Variants in FA2H observed in about 807,000 individuals in gnomAD.
FA2H encodes the protein fatty acid alpha-hydroxylase.
In FA2H, 22 loss-of-function variants were observed where a neutral mutation model predicts 44.9. The observed-to-expected ratio is 0.49, with a 90% confidence interval of 0.35 to 0.70. FA2H has a LOEUF of 0.70. Ranked by LOEUF, FA2H falls within the 30% of genes least tolerant of loss-of-function variation. The probability of loss-of-function intolerance (pLI) is 0.01; values close to 1 mark genes in which losing one functional copy is unlikely to be tolerated. For synonymous variants in FA2H, 243 were observed against 213.2 expected (o/e 1.14, Z -1.22); for missense variants, 501 against 504.9 (o/e 0.99, Z 0.07).
rs1961613843 is a variant in FA2H at position 74,713,104 on chromosome 16, C to T, written c.*1086G>A. 1 of 152,672 alleles carries T rather than the reference C, an allele frequency of 6.5e-6. No homozygotes were observed. 9.5% of individuals were successfully genotyped at this position (152,672 alleles called of 1,614,324 possible). A position where few individuals can be genotyped will look rare whatever the true frequency, so the allele number is the denominator to read the frequency against. ...TCACAAGGTCCGTCAAACTGCTTCT[C>T]TTTAGCCTTTACACTTGGCGAGTTT... On this transcript the variant is annotated 3_prime_UTR_variant, in exon 7 of 7. Coordinates refer to ENST00000219368, the MANE Select transcript of FA2H (RefSeq NM_024306.5).
At chr16:74,734,351 G>A (rs576501720) in intron 2 of FA2H, among the ~76,000 whole-genome samples, 1 of 152,388 alleles carries the variant, frequency 6.6e-6, no homozygotes, top group Non-Finnish European at 1.5e-5. Flanking sequence ...GCGACAGCAC[G>A]GTTATGCCCG....
intron 1 of FA2H, among the ~76,000 whole-genome samples, chr16:74,770,838 G>C (rs1350302932): frequency 1.3e-5 from 2 of 152,220 alleles, no homozygotes. Flanking sequence ...GCTCAGGTTG[G>C]GGCCCAGAAG....
chr16:74,765,572 C>A (rs1463635342), intron 1 of FA2H, among the ~76,000 whole-genome samples: 2 of 152,150 alleles, frequency 1.3e-5, no homozygotes, highest in African/African-American at 2.4e-5. Context: ...TTTATTCATT[C>A]ATTCATTTTT....
At chr16:74,719,716 TTTTTTA>T (rs1256631896) in intron 4 of FA2H, among the ~76,000 whole-genome samples, 3 of 152,116 alleles carry the variant, frequency 2.0e-5, no homozygotes, top group African/African-American at 7.2e-5. Context: ...TTTAAATTTA[TTTTTTA>T]TTTTTATTTT....
intron 1 of FA2H, among the ~76,000 whole-genome samples, chr16:74,751,091 C>T (rs1303930203): frequency 1.3e-5 from 2 of 151,344 alleles, no homozygotes; most frequent in South Asian, 2.1e-4. Context: ...TCCCACTGTA[C>T]ATTTCTTTTT....
At position 74,727,178 on chromosome 16, in the gene FA2H, T is replaced by A. The variant is rs1243351651; in HGVS notation, c.506+66A>T. On this transcript the variant is annotated intron_variant, in intron 3 of 6. Coordinates refer to ENST00000219368, the MANE Select transcript of FA2H (RefSeq NM_024306.5). ...GGAGGGACTCAATTGCCCCCTCCCT[T>A]TCCATATCTGATTGGCACCGTCAGA... 2.5e-6 allele frequency: 4 copies of A among 1,610,010 alleles called. No homozygotes were observed. In the East Asian group the frequency reaches 6.7e-5, roughly 27 times the overall value.
At chr16:74,768,126 G>A (rs997513149) in intron 1 of FA2H, among the ~76,000 whole-genome samples, 4 of 152,212 alleles carry the variant, frequency 2.6e-5, no homozygotes, top group African/African-American at 9.6e-5. Flanking sequence ...CGAAGATGAT[G>A]AATGCTGTTG....
chr16:74,741,779 T>TATATATATATA (rs1962302719), intron 1 of FA2H, among the ~76,000 whole-genome samples: 1 of 50,896 alleles, frequency 2.0e-5, no homozygotes, highest in Non-Finnish European at 3.3e-5. Context: ...ATTAAATATA[T>TATATATATATA]ATATATATAT....
In FA2H at chr16:74,718,982, G is replaced by T. The variant is rs746907255; in HGVS notation, c.786+6C>A. 1 of 1,613,304 alleles carries T rather than the reference G, an allele frequency of 6.2e-7. No homozygotes were observed. The highest frequency in any genetic ancestry group is 1.7e-5 in the Admixed American group (1 of 60,018). Reference sequence around the variant, plus strand: ...TAGGTCCGGGCTGGGACCCCGCCCCGCTCACCTTGTGGTGCTGGCCGTGCA... The same window carrying T: ...TAGGTCCGGGCTGGGACCCCGCCCCTCTCACCTTGTGGTGCTGGCCGTGCA... On this transcript the variant is annotated splice_donor_region_variant and intron_variant, in intron 5 of 6. Coordinates refer to ENST00000219368, the MANE Select transcript of FA2H (RefSeq NM_024306.5).
rs566281289 is a variant in FA2H, at chr16:74,719,249, C to T, written c.614-89G>A. The T allele has an allele frequency of 1.2e-4, 144 of 1,196,426 alleles. No individual in the cohort carries two copies. In the South Asian group the frequency reaches 1.5e-3, roughly 12 times the overall value. The allele number at this position is 1,196,426 out of a possible 1,614,324, so 74.1% of individuals were successfully genotyped here. ...CCCTGCCTCACCATCCCCATCAGCT[C>T]GGGAGCTGCTGCCCTCTGTTGGACA... On this transcript the variant is annotated intron_variant, in intron 4 of 6. Transcript: ENST00000219368.
chr16:74,738,832 C>T (rs1962234065), intron 2 of FA2H, among the ~76,000 whole-genome samples: 1 of 152,262 alleles, frequency 6.6e-6, no homozygotes, highest in African/African-American at 2.4e-5. Flanking sequence ...GGTCCCAGCT[C>T]GCCGGCTGCA....
chr16:74,721,027 C>T (rs1961824182), intron 4 of FA2H, among the ~76,000 whole-genome samples: 1 of 152,180 alleles, frequency 6.6e-6, no homozygotes, highest in Admixed American at 6.5e-5. Context: ...TATGCACATT[C>T]GTGTAGAGGT....
At chr16:74,772,242 T>C (rs1209319868) in intron 1 of FA2H, among the ~76,000 whole-genome samples, 4 of 152,244 alleles carry the variant, frequency 2.6e-5, no homozygotes, top group Non-Finnish European at 5.9e-5. Flanking sequence ...CCTTCACACG[T>C]GCTGTTCCCT....
chr16:74,739,896 C>T, intron 2 of FA2H, 127 bp downstream of exon 2: 1 of 796,528 alleles, frequency 1.3e-6, no homozygotes, highest in South Asian at 1.4e-5. Context: ...TGGACACCTG[C>T]TTCTCCTTCC....
In FA2H at chr16:74,740,097, G is replaced by C. The variant is rs35874850; in HGVS notation, c.289C>G (p.Pro97Ala). Residue 97 changes from proline to alanine, a missense_variant, in exon 2 of 7, where the codon CCT (proline) becomes GCT (alanine). By Grantham distance (27) the Pro-to-Ala change is conservative. Coordinates refer to ENST00000219368, the MANE Select transcript of FA2H (RefSeq NM_024306.5). ...TTCTGAGTTTCCTCAAGGGCTACAG[G>C]CTCGTTCTCCATGGAGCCCTGGAAG... ...GEQQGSMENE[P>A]VALEETQKTD... is the part of the protein sequence containing the mutation. 8.5e-3 allele frequency: 13,750 copies of C among 1,613,458 alleles called. 166 individuals are homozygous for C. The highest frequency in any genetic ancestry group is 0.053 in the African/African-American group (3,941 of 74,952).
intron 1 of FA2H, among the ~76,000 whole-genome samples, chr16:74,769,846 C>T (rs773684755): frequency 4.6e-5 from 7 of 152,240 alleles, no homozygotes; most frequent in South Asian, 4.1e-4. Flanking sequence ...TGCTCAGCCA[C>T]GGCTCTGTCA....
chr16:74,733,783 C>T (rs1361069599), intron 2 of FA2H, among the ~76,000 whole-genome samples: 1 of 152,214 alleles, frequency 6.6e-6, no homozygotes, highest in African/African-American at 2.4e-5. Flanking sequence ...TAGCTCATTG[C>T]CATGGGGGTG....
intron 2 of FA2H, among the ~76,000 whole-genome samples, chr16:74,733,921 G>C (rs1962129551): frequency 6.6e-6 from 1 of 152,188 alleles, no homozygotes; most frequent in Admixed American, 6.5e-5. Context: ...ACCTGGCCCT[G>C]TATTGCCTGG....
At chr16:74,766,151 T>A (rs1166069334) in intron 1 of FA2H, among the ~76,000 whole-genome samples, 2 of 152,074 alleles carry the variant, frequency 1.3e-5, no homozygotes, top group East Asian at 3.9e-4. Flanking sequence ...ATACAAAAAT[T>A]AGCTGGGCAT....
Sources: gnomAD v4.1 joint callset for allele counts (sites outside exome capture counted in the v4.1 genomes callset) on GRCh38, gnomAD v4.1.1 for gene constraint, MANE v1.5 for transcripts, NCBI Gene and HGNC (gene_info 2026-07-23, HGNC 2026-07-21) for gene names.